The following IL20RB variants were observed in gnomAD, a reference collection of about 807,000 sequenced individuals.
The protein encoded by IL20RB is interleukin-20 receptor subunit beta.
In IL20RB, 21 loss-of-function variants were observed where a neutral mutation model predicts 33.3. The ratio of observed to expected loss-of-function variants is 0.63; its 90% CI spans 0.45 to 0.91. The LOEUF is 0.91. IL20RB is among the 40% of genes least tolerant of loss of function. The probability of loss-of-function intolerance (pLI) is 0.00; values close to 1 mark genes in which losing one functional copy is unlikely to be tolerated. For synonymous variants in IL20RB, 147 were observed against 146.8 expected, an observed-to-expected ratio of 1.00 and a Z score of -0.01; for missense variants, 345 against 384.8, an observed-to-expected ratio of 0.90 and a Z score of 0.86.
chr3:136,985,337 CTTTTTTT>C (rs35515236), intron 3 of IL20RB, among the ~76,000 whole-genome samples: 3 of 137,286 alleles, frequency 2.2e-5, no homozygotes, highest in Non-Finnish European at 4.7e-5. Flanking sequence ...CTCTCTCTCT[CTTTTTTT>C]TTTTTTTTTT....
chr3:136,976,453 C>CGG (rs887225014), intron 1 of IL20RB, among the ~76,000 whole-genome samples: 2 of 152,160 alleles, frequency 1.3e-5, no homozygotes, highest in Non-Finnish European at 2.9e-5. Flanking sequence ...ACAGCCCTGG[C>CGG]GGGGCTTACC....
intron 1 of IL20RB, chr3:136,959,408 C>G (rs899805248): frequency 1.3e-5 from 2 of 152,284 alleles, no homozygotes. Context: ...CCAGCACTGA[C>G]CTGGAGGGCC....
intron 1 of IL20RB, among the ~76,000 whole-genome samples, chr3:136,967,170 T>C (rs1403959476): frequency 1.3e-5 from 2 of 150,678 alleles, no homozygotes; most frequent in Non-Finnish European, 2.9e-5. Context: ...AAATGTATAT[T>C]CTGTTGATTT....
rs765095858 is a variant in IL20RB at position 136,958,185 on chromosome 3, T to C, written c.72T>C (p.Ile24=). ...SLFMWFFYAL[I]PCLLTDEVAI... Reference sequence around the variant, plus strand: ...TCATGTGGTTTTTCTACGCATTGATTCCATGTTTGCTCACAGGTAAGTATG... The same window carrying C: ...TCATGTGGTTTTTCTACGCATTGATCCCATGTTTGCTCACAGGTAAGTATG... The change falls in exon 1 of 7, where the codon ATT becomes ATC. Residue 24 remains isoleucine, a synonymous_variant. Coordinates refer to ENST00000329582, the MANE Select transcript of IL20RB (RefSeq NM_144717.4). 6.2e-6 allele frequency: 10 copies of C among 1,606,440 alleles called. No individual in the cohort carries two copies. Among genetic ancestry groups the C allele is most frequent in the Non-Finnish European group, 7.7e-6 (9 of 1,173,036 alleles).
At position 137,010,489 on chromosome 3, in the gene IL20RB, C is replaced by G; in HGVS notation, c.*266C>G. 2.7e-6 allele frequency: 1 copy of G among 373,388 alleles called. No individual in the cohort carries two copies. Among genetic ancestry groups the G allele is most frequent in the Non-Finnish European group, 4.9e-6 (1 of 205,112 alleles). 23.1% of individuals were successfully genotyped at this position (373,388 alleles called of 1,614,324 possible). A position where few individuals can be genotyped will look rare whatever the true frequency, so the allele number is the denominator to read the frequency against. ...CCTGGGAAAAGTGACTTCATCCCTT[C>G]GGTCCTAAGTTTTCTCATCTGTAAT... On this transcript the variant is annotated 3_prime_UTR_variant, in exon 7 of 7. Coordinates refer to ENST00000329582, the MANE Select transcript of IL20RB (RefSeq NM_144717.4).
chr3:137,005,632 C>A (rs538043931), intron 6 of IL20RB, among the ~76,000 whole-genome samples: 33 of 152,274 alleles, frequency 2.2e-4, no homozygotes, highest in African/African-American at 6.3e-4. Context: ...GATCTTCCTC[C>A]ATCCCTTTAT....
chr3:136,963,532 A>C (rs1404033222), intron 1 of IL20RB, among the ~76,000 whole-genome samples: 1 of 152,148 alleles, frequency 6.6e-6, no homozygotes, highest in Non-Finnish European at 1.5e-5. Flanking sequence ...GGATTTCCCT[A>C]ATAGCTAATA....
intron 6 of IL20RB, among the ~76,000 whole-genome samples, chr3:137,000,898 G>C (rs899485835): frequency 1.3e-5 from 2 of 152,048 alleles, no homozygotes. Context: ...TCTATCAGGG[G>C]GCCAGAAGAG....
chr3:137,010,098 A>G lies in IL20RB; in HGVS notation c.826-15A>G. On this transcript the variant is annotated splice_polypyrimidine_tract_variant and intron_variant, in intron 6 of 6. Transcript: ENST00000329582. ...TGCTATCCTCTAATGAATATTAATG[A>G]AAATTATTTTTCAGAAAATAACCAA... 7.9e-7 allele frequency: 1 copy of G among 1,265,766 alleles called. No individual in the cohort carries two copies. The highest frequency in any genetic ancestry group is 1.2e-6 in the Non-Finnish European group (1 of 861,716). 78.4% of individuals were successfully genotyped at this position (1,265,766 alleles called of 1,614,324 possible).
chr3:136,999,886 T>C (rs1212057194), intron 6 of IL20RB, among the ~76,000 whole-genome samples: 1 of 152,206 alleles, frequency 6.6e-6, no homozygotes, highest in Non-Finnish European at 1.5e-5. Flanking sequence ...TTTGGTCATT[T>C]ATTATGAGAA....
chr3:136,973,462 A>G (rs1400273455), intron 1 of IL20RB, among the ~76,000 whole-genome samples: 1 of 151,652 alleles, frequency 6.6e-6, no homozygotes, highest in Non-Finnish European at 1.5e-5. Flanking sequence ...AATTGTTGAC[A>G]CTCGTTTTGT....
chr3:136,969,459 TC>T (rs1459866720), intron 1 of IL20RB: 1 of 128,110 alleles, frequency 7.8e-6, no homozygotes, highest in Non-Finnish European at 1.6e-5. Flanking sequence ...GACCCGATTT[TC>T]CAGGTGCGTC....
chr3:136,960,264 C>T (rs1449487494), intron 1 of IL20RB, among the ~76,000 whole-genome samples: 3 of 149,534 alleles, frequency 2.0e-5, no homozygotes, highest in Non-Finnish European at 4.4e-5. Flanking sequence ...TCTCCTGCCT[C>T]AGCCTCCTGA....
chr3:137,009,536 TTTGTTG>T (rs747087866), intron 6 of IL20RB, among the ~76,000 whole-genome samples: 1 of 151,722 alleles, frequency 6.6e-6, no homozygotes, highest in Non-Finnish European at 1.5e-5. Context: ...AGGTTAGGGT[TTTGTTG>T]TTGTTGTTGT....
chr3:136,982,373 C>A (rs200834567), intron 3 of IL20RB, 23 bp downstream of exon 3: 2 of 1,511,166 alleles, frequency 1.3e-6, no homozygotes, highest in East Asian at 4.7e-5. Context: ...TCTCCTTACA[C>A]TCCCACCCCA....
At chr3:137,000,187 CT>C (rs1240061154) in intron 6 of IL20RB, among the ~76,000 whole-genome samples, 1 of 152,142 alleles carries the variant, frequency 6.6e-6, no homozygotes, top group Non-Finnish European at 1.5e-5. Flanking sequence ...AGAAGAAAGA[CT>C]CAACTTTGGT....
At chr3:136,990,316 A>C (rs1435999381) in intron 4 of IL20RB, among the ~76,000 whole-genome samples, 1 of 152,182 alleles carries the variant, frequency 6.6e-6, no homozygotes, top group Non-Finnish European at 1.5e-5. Flanking sequence ...AATACGGTGC[A>C]ATAAGGAGCT....
chr3:137,007,664 G>T (rs1325207794), intron 6 of IL20RB, among the ~76,000 whole-genome samples: 1 of 152,252 alleles, frequency 6.6e-6, no homozygotes, highest in African/African-American at 2.4e-5. Context: ...ATTTGGGTGG[G>T]AGTGCCCCAT....
chr3:137,009,090 T>C (rs1234017123), intron 6 of IL20RB, among the ~76,000 whole-genome samples: 1 of 152,198 alleles, frequency 6.6e-6, no homozygotes, highest in African/African-American at 2.4e-5. Flanking sequence ...CATTTGCCCA[T>C]GGACACCAAG....
Sources: allele counts gnomAD v4.1 joint callset (sites outside exome capture counted in the v4.1 genomes callset), GRCh38; gene constraint gnomAD v4.1.1; transcripts MANE v1.5; gene names NCBI Gene and HGNC (gene_info 2026-07-23, HGNC 2026-07-21).